CYP2C19: variants seen among roughly 807,000 people sequenced by gnomAD.
The protein encoded by CYP2C19 is cytochrome P450 family 2 subfamily C member 19.
CYP2C19 carries 59 observed loss-of-function variants against 40.9 expected under a neutral mutation model. The observed-to-expected ratio is 1.44, with a 90% CI of 1.17 to 1.79. CYP2C19 has a LOEUF of 1.79. Ranked by LOEUF, CYP2C19 falls within the 40% of genes most tolerant of loss-of-function variation. The pLI, the probability that CYP2C19 is intolerant of heterozygous loss-of-function variation, is 0.00. For synonymous variants in CYP2C19, 253 were observed against 208.7 expected, an observed-to-expected ratio of 1.21 and a Z score of -1.83; for missense variants, 754 against 596.9, an observed-to-expected ratio of 1.26 and a Z score of -2.74.
chr10:94,820,494 A>C lies in CYP2C19; in HGVS notation c.820-2A>C. On this transcript the variant is annotated splice_acceptor_variant, in intron 5 of 8. Transcript: ENST00000371321. LOFTEE classifies it high-confidence loss of function. ...CAGATAATTGCATCAAATCATTCCT[A>C]GGAAAAGCAAAACCAACAGTCTGAA... 1.2e-6 allele frequency: 2 copies of C among 1,614,166 alleles called. No homozygotes were observed. Among genetic ancestry groups the C allele is most frequent in the Non-Finnish European group, 1.7e-6 (2 of 1,179,998 alleles).
intron 5 of CYP2C19, among the ~76,000 whole-genome samples, chr10:94,807,864 T>G (rs529563700): frequency 1.3e-5 from 2 of 152,250 alleles, no homozygotes; most frequent in African/African-American, 4.8e-5. Flanking sequence ...TTGAATGTTT[T>G]CTTTGCCCTG....
At chr10:94,803,916 G>A (rs541024537) in intron 5 of CYP2C19, among the ~76,000 whole-genome samples, 6 of 152,228 alleles carry the variant, frequency 3.9e-5, no homozygotes, top group Non-Finnish European at 5.9e-5. Context: ...AGCAGAGAGG[G>A]CCCCCTTGCA....
chr10:94,764,505 C>T (rs1564657507), intron 1 of CYP2C19, among the ~76,000 whole-genome samples: 1 of 152,124 alleles, frequency 6.6e-6, no homozygotes, highest in Non-Finnish European at 1.5e-5. Context: ...ACCCAGAAGC[C>T]CAGCCGGCTT....
At chr10:94,813,062 C>CT (rs1016239829) in intron 5 of CYP2C19, among the ~76,000 whole-genome samples, 4 of 151,738 alleles carry the variant, frequency 2.6e-5, no homozygotes, top group Non-Finnish European at 5.9e-5. Context: ...CGTGGACATC[C>CT]TTTTTGTTGA....
intron 1 of CYP2C19, among the ~76,000 whole-genome samples, chr10:94,766,774 A>C (rs112773738): frequency 0.08 from 12,157 of 151,972 alleles, 564 homozygotes; most frequent in South Asian, 0.12. Context: ...AGCTGATGGT[A>C]CTGCAGGTTC....
chr10:94,843,616 C>G (rs1352708896), intron 7 of CYP2C19, among the ~76,000 whole-genome samples: 1 of 152,158 alleles, frequency 6.6e-6, no homozygotes, highest in African/African-American at 2.4e-5. Flanking sequence ...TGACCTTAAT[C>G]TATCAACTTT....
At chr10:94,845,227 TA>T (rs1177311232) in intron 7 of CYP2C19, among the ~76,000 whole-genome samples, 1 of 152,214 alleles carries the variant, frequency 6.6e-6, no homozygotes, top group Non-Finnish European at 1.5e-5. Flanking sequence ...TTAGACTTTT[TA>T]GGCCATGATG....
intron 1 of CYP2C19, among the ~76,000 whole-genome samples, chr10:94,763,592 A>G (rs1392007541): frequency 6.6e-6 from 1 of 152,036 alleles, no homozygotes; most frequent in Non-Finnish European, 1.5e-5. Flanking sequence ...AAGGGCTGCG[A>G]TTAGTATATT....
intron 5 of CYP2C19, among the ~76,000 whole-genome samples, chr10:94,792,828 T>G (rs1848622353): frequency 6.6e-6 from 1 of 152,154 alleles, no homozygotes; most frequent in African/African-American, 2.4e-5. Flanking sequence ...GACAATTATG[T>G]GTCATGGGGT....
intron 5 of CYP2C19, among the ~76,000 whole-genome samples, chr10:94,815,944 C>T (rs1017906542): frequency 2.6e-5 from 4 of 152,074 alleles, no homozygotes; most frequent in African/African-American, 9.7e-5. Flanking sequence ...ATGATATGGC[C>T]CTAATTTTCC....
At chr10:94,826,942 C>A (rs962531371) in intron 6 of CYP2C19, among the ~76,000 whole-genome samples, 5 of 152,054 alleles carry the variant, frequency 3.3e-5, no homozygotes, top group Admixed American at 6.5e-5. Flanking sequence ...GTCTTTGGTT[C>A]TGTTTATATG....
intron 6 of CYP2C19, among the ~76,000 whole-genome samples, chr10:94,820,913 A>G (rs1370877173): frequency 6.6e-6 from 1 of 152,040 alleles, no homozygotes; most frequent in Non-Finnish European, 1.5e-5. Context: ...GCCAAGCCCC[A>G]TCTCTACTAA....
rs1564687599 is a variant in CYP2C19 at position 94,853,027 on chromosome 10, TC to T, written c.*118del. 2.6e-6 allele frequency: 3 copies of T among 1,154,012 alleles called. No homozygotes were observed. Among genetic ancestry groups the T allele is most frequent in the Admixed American group, 2.3e-5 (1 of 43,578 alleles). The allele number at this position is 1,154,012 out of a possible 1,614,324, so 71.5% of individuals were successfully genotyped here. A position where few individuals can be genotyped will look rare whatever the true frequency, so the allele number is the denominator to read the frequency against. ...TGACCCGTCATCTCACATTTTCCCT[TC>T]CCCCAAGATCTAGTGAACATTCAGC... is the stretch of plus-strand genomic sequence containing the variant. On this transcript the variant is annotated 3_prime_UTR_variant, in exon 9 of 9. Coordinates refer to ENST00000371321, the MANE Select transcript of CYP2C19 (RefSeq NM_000769.4).
intron 5 of CYP2C19, among the ~76,000 whole-genome samples, chr10:94,793,789 T>G (rs1564666924): frequency 6.6e-6 from 1 of 152,156 alleles, no homozygotes; most frequent in Non-Finnish European, 1.5e-5. Context: ...TGTCTCCCAG[T>G]TAGGCTACTC....
chr10:94,786,122 CT>C (rs1848536626), intron 5 of CYP2C19, among the ~76,000 whole-genome samples: 1 of 152,034 alleles, frequency 6.6e-6, no homozygotes, highest in South Asian at 2.1e-4. Flanking sequence ...ATTAAACTAC[CT>C]GCTCCTTAAC....
chr10:94,794,778 G>T (rs1235824749), intron 5 of CYP2C19, among the ~76,000 whole-genome samples: 1 of 151,964 alleles, frequency 6.6e-6, no homozygotes, highest in East Asian at 1.9e-4. Flanking sequence ...TGCTGAAGTT[G>T]CTTATCAGCT....
intron 1 of CYP2C19, among the ~76,000 whole-genome samples, chr10:94,771,187 C>G (rs1261985280): frequency 2.0e-5 from 3 of 151,990 alleles, no homozygotes; most frequent in East Asian, 1.9e-4. Context: ...TTTACCTCCC[C>G]CTACAGCTTG....
intron 6 of CYP2C19, among the ~76,000 whole-genome samples, chr10:94,839,437 T>C (rs1467796331): frequency 6.6e-6 from 1 of 152,220 alleles, no homozygotes; most frequent in East Asian, 1.9e-4. Flanking sequence ...TGCTGGGTTC[T>C]AGTGGTCCTT....
At chr10:94,816,447 T>A (rs1849003549) in intron 5 of CYP2C19, among the ~76,000 whole-genome samples, 1 of 152,124 alleles carries the variant, frequency 6.6e-6, no homozygotes, top group African/African-American at 2.4e-5. Context: ...GGTAACAGAT[T>A]AACAAACTAT....
Sources: gnomAD v4.1 joint callset for allele counts (sites outside exome capture counted in the v4.1 genomes callset) on GRCh38, gnomAD v4.1.1 for gene constraint, MANE v1.5 for transcripts, NCBI Gene and HGNC (gene_info 2026-07-23, HGNC 2026-07-21) for gene names.